MAPKAPK3: variants seen among roughly 807,000 people sequenced by gnomAD.
The protein encoded by MAPKAPK3 is MAP kinase-activated protein kinase 3.
MAPKAPK3 carries 35 observed loss-of-function variants against 49.2 expected under a neutral mutation model. The observed-to-expected ratio is 0.71, with a 90% CI of 0.54 to 0.94. The LOEUF (loss-of-function observed/expected upper bound fraction) is 0.94, where lower values mean the gene tolerates loss of function less well. MAPKAPK3 is among the 40% of genes least tolerant of loss of function. The pLI is 0.00. For synonymous variants in MAPKAPK3, 178 were observed against 188.7 expected, an observed-to-expected ratio of 0.94 and a Z score of 0.46; for missense variants, 398 against 493.1, an observed-to-expected ratio of 0.81 and a Z score of 1.83.
At chr3:50,647,307 T>C (rs1203460507) in intron 10 of MAPKAPK3, 104 bp downstream of exon 10, 6 of 864,280 alleles carry the variant, frequency 6.9e-6, no homozygotes, top group Non-Finnish European at 9.3e-6. Flanking sequence ...CCCCTTTCTA[T>C]ACCTGGAGCA....
intron 5 of MAPKAPK3, 92 bp from the exon 6 acceptor site, chr3:50,644,317 A>T: frequency 6.8e-7 from 1 of 1,480,174 alleles, no homozygotes; most frequent in Non-Finnish European, 9.3e-7. Context: ...CTGCACTGGG[A>T]TGGAGTCGGG....
intron 10 of MAPKAPK3, 90 bp from the exon 11 acceptor site, chr3:50,647,804 A>G: frequency 7.7e-7 from 1 of 1,301,296 alleles, no homozygotes; most frequent in South Asian, 1.4e-5. Flanking sequence ...GCTGTCACTG[A>G]CATTAAGGGG....
chr3:50,646,733 C>A lies in MAPKAPK3; in HGVS notation c.830-7C>A, dbSNP rs767284380. The A allele has an allele frequency of 6.2e-7, 1 of 1,613,592 alleles. No individual in the cohort carries two copies. The highest frequency in any genetic ancestry group is 1.3e-5 in the African/African-American group (1 of 74,914). On this transcript the variant is annotated splice_polypyrimidine_tract_variant and splice_region_variant and intron_variant, in intron 8 of 10. Transcript: ENST00000621469. ...CATCTCTCCCCTCTCTTCCCTGGCC[C>A]CCCTAGCCAAGCAGCTGATCCGCCT...
intron 2 of MAPKAPK3, among the ~76,000 whole-genome samples, chr3:50,639,039 C>G (rs1014578767): frequency 6.6e-6 from 1 of 152,168 alleles, no homozygotes; most frequent in Non-Finnish European, 1.5e-5. Flanking sequence ...CTTCTTCTCC[C>G]CCTACAGCAG....
chr3:50,640,772 G>T (rs757967418), intron 3 of MAPKAPK3, among the ~76,000 whole-genome samples: 37 of 152,240 alleles, frequency 2.4e-4, no homozygotes, highest in Non-Finnish European at 4.6e-4. Flanking sequence ...GAGGAGGACT[G>T]GAAGAGCTGT....
chr3:50,630,381 G>T (rs930905972), intron 2 of MAPKAPK3, among the ~76,000 whole-genome samples: 2 of 152,238 alleles, frequency 1.3e-5, no homozygotes, highest in East Asian at 3.9e-4. Context: ...ACATGGGCAG[G>T]CCTGTACAGT....
chr3:50,626,332 C>A (rs1272620051), intron 2 of MAPKAPK3, among the ~76,000 whole-genome samples: 1 of 152,158 alleles, frequency 6.6e-6, no homozygotes, highest in African/African-American at 2.4e-5. Context: ...CAACCTACCG[C>A]CATTTTTACA....
rs2033192608 is a variant in MAPKAPK3 at position 50,642,281 on chromosome 3, C to T, written c.453C>T (p.Gly151=). The T allele has an allele frequency of 6.2e-7, 1 of 1,613,334 alleles. No homozygotes were observed. The highest frequency in any genetic ancestry group is 1.3e-5 in the African/African-American group (1 of 74,872). The part of the protein sequence containing the change: ...REAAEIMRDI[G]TAIQFLHSHN... ...CTGCAGAGATAATGCGGGATATTGGCACTGCCATCCAGTTTCTGCACAGCC... is the reference window on the plus strand; with the variant it reads ...CTGCAGAGATAATGCGGGATATTGGTACTGCCATCCAGTTTCTGCACAGCC... The change falls in exon 5 of 11, where the codon GGC becomes GGT. Residue 151 remains glycine (G), a synonymous_variant. Coordinates refer to ENST00000621469, the MANE Select transcript of MAPKAPK3 (RefSeq NM_001243925.2).
chr3:50,643,648 C>A (rs975495145), intron 5 of MAPKAPK3, among the ~76,000 whole-genome samples: 4 of 152,084 alleles, frequency 2.6e-5, no homozygotes, highest in African/African-American at 9.7e-5. Context: ...AGAGGAGATT[C>A]CCTTGAATAG....
rs2032503701 is a variant in MAPKAPK3, at chr3:50,617,625, C to G, written c.60C>G (p.Gly20=). The G allele has an allele frequency of 6.2e-7, 1 of 1,606,626 alleles. No homozygotes were observed. The highest frequency in any genetic ancestry group is 8.5e-7 in the Non-Finnish European group (1 of 1,174,650). Residue 20 remains glycine, a synonymous_variant, in exon 2 of 11, where the codon GGC becomes GGG. Coordinates refer to ENST00000621469, the MANE Select transcript of MAPKAPK3 (RefSeq NM_001243925.2). ...CTGTGCCCCCGCCAGTTGCACCCGG[C>G]GGACCCGGCTTGGGCGGTGCTCCGG... ...GGPVPPPVAP[G]GPGLGGAPGG...
intron 2 of MAPKAPK3, among the ~76,000 whole-genome samples, chr3:50,632,388 CT>C (rs2032935975): frequency 1.3e-5 from 2 of 152,312 alleles, no homozygotes; most frequent in South Asian, 4.1e-4. Context: ...TGCATTTTGT[CT>C]TTTTCTTCAT....
chr3:50,646,935 C>A, intron 9 of MAPKAPK3, 110 bp downstream of exon 9: 1 of 1,174,082 alleles, frequency 8.5e-7, no homozygotes, highest in Non-Finnish European at 1.3e-6. Flanking sequence ...TGGAATGGGC[C>A]CATGCACACA....
intron 2 of MAPKAPK3, 85 bp downstream of exon 2, chr3:50,617,869 C>A: frequency 9.7e-7 from 1 of 1,030,970 alleles, no homozygotes; most frequent in Non-Finnish European, 1.5e-6. Context: ...AGCGCCCCTG[C>A]TAAGCTTCCT....
rs1276414073 is a variant in MAPKAPK3, at chr3:50,647,379, C to T, written c.996+176C>T. Among the ~76,000 whole-genome samples the T allele has an allele frequency of 4.6e-5, 7 of 152,314 alleles. No homozygotes were observed. The South Asian group carries it at 8.3e-4, about 18-fold the overall frequency. ...GCACTCCAAGGATTGGGCCTCACTACGCCATTCAGTGTGGTGCTCCTGGCT... is the reference window on the plus strand; with the variant it reads ...GCACTCCAAGGATTGGGCCTCACTATGCCATTCAGTGTGGTGCTCCTGGCT... On this transcript the variant is annotated intron_variant, in intron 10 of 10. Coordinates refer to ENST00000621469, the MANE Select transcript of MAPKAPK3 (RefSeq NM_001243925.2).
rs758302053 is a variant in MAPKAPK3 at position 50,633,290 on chromosome 3, C to T, written c.220-7076C>T. Among the ~76,000 whole-genome samples, 8 of 151,934 alleles carry T rather than the reference C, an allele frequency of 5.3e-5. No individual in the cohort carries two copies. The East Asian group carries it at 5.8e-4, about 11-fold the overall frequency. On this transcript the variant is annotated intron_variant, in intron 2 of 10. Coordinates refer to ENST00000621469, the MANE Select transcript of MAPKAPK3 (RefSeq NM_001243925.2). ...ACAGATGGATAAATCCTGTTCTCTG[C>T]GAGTTCAAAGTCAATATTGCAGAGA...
At chr3:50,639,636 T>C (rs1050910822) in intron 2 of MAPKAPK3, among the ~76,000 whole-genome samples, 3 of 152,012 alleles carry the variant, frequency 2.0e-5, no homozygotes, top group Non-Finnish European at 4.4e-5. Flanking sequence ...CCTACAGGAG[T>C]GTGGCCTTGT....
intron 3 of MAPKAPK3, 109 bp from the exon 4 acceptor site, chr3:50,641,598 G>A: frequency 1.2e-6 from 1 of 849,714 alleles, no homozygotes; most frequent in Non-Finnish European, 2.0e-6. Context: ...TTCAGTAGGG[G>A]AGGAGCGGAG....
chr3:50,641,633 A>G (rs1320554878), intron 3 of MAPKAPK3, 74 bp from the exon 4 acceptor site: 5 of 1,225,576 alleles, frequency 4.1e-6, no homozygotes, highest in East Asian at 2.3e-5. Context: ...GCCTGGGCCT[A>G]TGATTTGGGG....
At chr3:50,633,471 A>G (rs1364131895) in intron 2 of MAPKAPK3, among the ~76,000 whole-genome samples, 5 of 151,852 alleles carry the variant, frequency 3.3e-5, no homozygotes, top group African/African-American at 7.3e-5. Flanking sequence ...ACCCCTACAT[A>G]TGCACTCACC....
Sources: allele counts gnomAD v4.1 joint callset (sites outside exome capture counted in the v4.1 genomes callset), GRCh38; gene constraint gnomAD v4.1.1; transcripts MANE v1.5; gene names NCBI Gene and HGNC (gene_info 2026-07-23, HGNC 2026-07-21).